MED13L: variants seen among roughly 807,000 people sequenced by gnomAD.
The protein encoded by MED13L is mediator complex subunit 13L.
In MED13L, 7 loss-of-function variants were observed where a neutral mutation model predicts 220.9. The ratio of observed to expected loss-of-function variants is 0.03; its 90% CI spans 0.02 to 0.06. The LOEUF (loss-of-function observed/expected upper bound fraction) is 0.06. Among genes scored for constraint, MED13L ranks in the 10% least tolerant of loss-of-function variants. The pLI is 1.00. For synonymous variants in MED13L, 1,011 were observed against 1,015.2 expected (o/e 1.00, Z 0.08); for missense variants, 1,965 against 2,760.5 (o/e 0.71, Z 6.46).
chr12:116,137,570 C>T (rs1876669014), intron 2 of MED13L, among the ~76,000 whole-genome samples: 1 of 151,910 alleles, frequency 6.6e-6, no homozygotes, highest in South Asian at 2.1e-4. Flanking sequence ...TTATGAGGTA[C>T]TCATAATTTT....
chr12:116,058,095 C>T (rs1869121790), intron 4 of MED13L, among the ~76,000 whole-genome samples: 1 of 152,016 alleles, frequency 6.6e-6, no homozygotes, highest in Non-Finnish European at 1.5e-5. Context: ...TGGAAGGATT[C>T]AACTATAGAC....
chr12:116,259,261 C>T (rs552891658), intron 1 of MED13L, among the ~76,000 whole-genome samples: 31 of 152,184 alleles, frequency 2.0e-4, no homozygotes, highest in Non-Finnish European at 1.3e-4. Context: ...GGAAAAAGCA[C>T]ATTGCAGGAA....
At chr12:116,039,711 C>G (rs1881408486) in intron 4 of MED13L, among the ~76,000 whole-genome samples, 1 of 151,750 alleles carries the variant, frequency 6.6e-6, no homozygotes, top group South Asian at 2.1e-4. Context: ...TGATGGCAGC[C>G]CAAGTGAGAG....
chr12:115,975,603 G>T lies in MED13L; in HGVS notation c.5500C>A (p.His1834Asn), dbSNP rs1364021330. ...GAAGCCAAAAGCCAGCGCTGGTCGT[G>T]AGACAGACAATAGCCCACGAAGAGC... ...NVLFVGYCLS[H>N]DQRWLLASCT... The change falls in exon 24 of 31, where the codon CAC becomes AAC. Residue 1834 changes from histidine to asparagine, a missense_variant. Transcript: ENST00000281928. 6.2e-7 allele frequency: 1 copy of T among 1,614,144 alleles called. No individual in the cohort carries two copies.
At chr12:116,236,314 AAC>A (rs371703918) in intron 2 of MED13L, among the ~76,000 whole-genome samples, 142 of 152,296 alleles carry the variant, frequency 9.3e-4, no homozygotes, top group African/African-American at 3.3e-3. Context: ...CCATAAAGTA[AAC>A]AGTTCAATTA....
At chr12:116,020,454 T>G (rs995347385) in intron 5 of MED13L, among the ~76,000 whole-genome samples, 22 of 152,210 alleles carry the variant, frequency 1.4e-4, no homozygotes, top group African/African-American at 5.3e-4. Context: ...TGCCTAAAAC[T>G]TGAACACTCT....
At chr12:116,020,301 CGAAAT>C (rs1337875110) in intron 5 of MED13L, among the ~76,000 whole-genome samples, 2 of 133,600 alleles carry the variant, frequency 1.5e-5, no homozygotes, top group African/African-American at 2.5e-5. Flanking sequence ...AATTTTTAAA[CGAAAT>C]AAAATATGGA....
chr12:115,966,379 T>C, intron 28 of MED13L, 136 bp from the exon 29 acceptor site: 2 of 1,006,114 alleles, frequency 2.0e-6, no homozygotes, highest in South Asian at 2.7e-5. Context: ...AACAGGTGAC[T>C]GAGAAAGGTA....
At chr12:115,974,170 C>T (rs948437913) in intron 25 of MED13L, among the ~76,000 whole-genome samples, 1 of 152,268 alleles carries the variant, frequency 6.6e-6, no homozygotes, top group South Asian at 2.1e-4. Context: ...TGTCTAGAGC[C>T]GCTTTGACGT....
chr12:116,254,787 A>G (rs1256805655), intron 1 of MED13L, among the ~76,000 whole-genome samples: 3 of 152,168 alleles, frequency 2.0e-5, no homozygotes, highest in Non-Finnish European at 4.4e-5. Context: ...CTCTAAAATA[A>G]TAGCCATTAA....
rs1316360251 is a variant in MED13L, at chr12:116,246,906, AGAAGAGGGGAGT to A, written c.73-9213_73-9202del. ...GAGGTGGGGAGGTGGGGAGGCGGGAAGAAGAGGGGAGTGGGGAGAGGAGGGGAGGGAAGGAAG... is the reference window on the plus strand; with the variant it reads ...GAGGTGGGGAGGTGGGGAGGCGGGAAGGGGAGAGGAGGGGAGGGAAGGAAG... On this transcript the variant is annotated intron_variant, in intron 1 of 30. Transcript: ENST00000281928. Among the ~76,000 whole-genome samples, 3 of 60,834 alleles carry A rather than the reference AGAAGAGGGGAGT, an allele frequency of 4.9e-5. No individual in the cohort carries two copies. In the Admixed American group the frequency reaches 5.8e-4, roughly 12 times the overall value. 39.9% of individuals were successfully genotyped at this position (60,834 alleles called of 152,430 possible).
chr12:116,186,494 T>C (rs777837452), intron 2 of MED13L, among the ~76,000 whole-genome samples: 1 of 152,206 alleles, frequency 6.6e-6, no homozygotes, highest in Non-Finnish European at 1.5e-5. Flanking sequence ...AATAATTTAT[T>C]TAGATCCAGT....
rs114815962 is a variant in MED13L, at chr12:116,004,186, T to C, written c.2470-1084A>G. On this transcript the variant is annotated intron_variant, in intron 13 of 30. Transcript: ENST00000281928. ...TGCTCTGTTCCTTTCTTTCTCCTCCTTTGACTTGTACCTCCTTTTCTTTTC... is the reference window on the plus strand; with the variant it reads ...TGCTCTGTTCCTTTCTTTCTCCTCCCTTGACTTGTACCTCCTTTTCTTTTC... Among the ~76,000 whole-genome samples, 488 of 152,294 alleles carry C rather than the reference T, an allele frequency of 3.2e-3. 2 individuals carry two copies. The highest frequency in any genetic ancestry group is 0.011 in the African/African-American group (474 of 41,558).
intron 4 of MED13L, among the ~76,000 whole-genome samples, chr12:116,023,561 T>A (rs1880189854): frequency 2.0e-5 from 3 of 151,776 alleles, no homozygotes; most frequent in Admixed American, 2.0e-4. Context: ...AAAAAAAAAA[T>A]GTTGTTTCAA....
chr12:116,151,053 T>C (rs1013314479), intron 2 of MED13L, among the ~76,000 whole-genome samples: 1 of 151,852 alleles, frequency 6.6e-6, no homozygotes, highest in Non-Finnish European at 1.5e-5. Flanking sequence ...TATCACAACA[T>C]CTTATTGTTA....
Position 115,960,963 on chromosome 12 carries a change from G to A in MED13L, c.*303C>T. On this transcript the variant is annotated 3_prime_UTR_variant, in exon 31 of 31. Coordinates refer to ENST00000281928, the MANE Select transcript of MED13L (RefSeq NM_015335.5). ...AAGGACACTGTCTCTTCTGTTTCCC[G>A]CTGAAAAGCCATCAACCACCACCAC... 3 of 415,858 alleles carry A rather than the reference G, an allele frequency of 7.2e-6. No homozygotes were observed. Among genetic ancestry groups the A allele is most frequent in the East Asian group, 5.3e-5 (1 of 18,920 alleles). The allele number at this position is 415,858 out of a possible 1,614,324, so 25.8% of individuals were successfully genotyped here.
intron 2 of MED13L, among the ~76,000 whole-genome samples, chr12:116,121,916 A>C (rs1053304876): frequency 1.3e-5 from 2 of 152,152 alleles, no homozygotes; most frequent in Admixed American, 1.3e-4. Flanking sequence ...TTGAAAATCA[A>C]ATTTCACTCG....
At chr12:116,014,873 T>A (rs1879629709) in intron 8 of MED13L, among the ~76,000 whole-genome samples, 1 of 152,150 alleles carries the variant, frequency 6.6e-6, no homozygotes, top group African/African-American at 2.4e-5. Context: ...ACCATGCCAA[T>A]CTGTACAGTA....
At chr12:116,187,487 T>C (rs1880973233) in intron 2 of MED13L, among the ~76,000 whole-genome samples, 1 of 152,250 alleles carries the variant, frequency 6.6e-6, no homozygotes, top group Non-Finnish European at 1.5e-5. Context: ...AACTATAAAC[T>C]ATCCCACAAT....
Sources: gnomAD v4.1 joint callset for allele counts (sites outside exome capture counted in the v4.1 genomes callset) on GRCh38, gnomAD v4.1.1 for gene constraint, MANE v1.5 for transcripts, NCBI Gene and HGNC (gene_info 2026-07-23, HGNC 2026-07-21) for gene names.